The following CHTOP variants were observed in gnomAD, a reference collection of about 807,000 sequenced individuals.
CHTOP encodes chromatin target of PRMT1, also known as chromatin target of PRMT1 protein.
In CHTOP, 18 loss-of-function variants were observed where a neutral mutation model predicts 33.6. The observed-to-expected ratio is 0.54, with a 90% CI of 0.37 to 0.80. The LOEUF (loss-of-function observed/expected upper bound fraction) is 0.80. Ranked by LOEUF, CHTOP falls within the 30% of genes least tolerant of loss-of-function variation. CHTOP has a pLI of 0.00. For synonymous variants in CHTOP, 117 were observed against 127.7 expected (o/e 0.92, Z 0.56); for missense variants, 263 against 336.8 (o/e 0.78, Z 1.71).
At chr1:153,639,555 A>C in intron 3 of CHTOP, 1 of 199,352 alleles carries the variant, frequency 5.0e-6, no homozygotes, top group South Asian at 1.7e-4. Context: ...ACCAAAAATA[A>C]ACAAGGGTGT....
At chr1:153,634,817 CAT>C (rs1183163174) in intron 1 of CHTOP, among the ~76,000 whole-genome samples, 3 of 150,348 alleles carry the variant, frequency 2.0e-5, no homozygotes, top group Non-Finnish European at 4.4e-5. Context: ...ACTAGGCATG[CAT>C]ATATATATGT....
chr1:153,641,553 G>T (rs1447700621), intron 3 of CHTOP, among the ~76,000 whole-genome samples: 1 of 152,116 alleles, frequency 6.6e-6, no homozygotes, highest in Admixed American at 6.5e-5. Context: ...TTAATTTAAG[G>T]TCATCATTGT....
In CHTOP at chr1:153,645,212, C is replaced by G; in HGVS notation, c.690C>G (p.His230Gln). Residue 230 changes from histidine (H) to glutamine (Q), a missense_variant, in exon 6 of 6, where the codon CAC (histidine) becomes CAG (glutamine). Physicochemically the swap from His to Gln is conservative, Grantham distance 24. Around this residue, in one of 3 missense-constraint regions of CHTOP, gnomAD observed 22 missense variants for 47.9 expected, o/e 0.46. Transcript: ENST00000368694. ...CATATATGTCGAAAACAAAAGGACACCTGGATGCTGAGTTGGATGCCTACA... is the reference window on the plus strand; with the variant it reads ...CATATATGTCGAAAACAAAAGGACAGCTGGATGCTGAGTTGGATGCCTACA... ...LDAYMSKTKG[H>Q]LDAELDAYMA... 12 of 1,614,194 alleles carry G rather than the reference C, an allele frequency of 7.4e-6. No individual in the cohort carries two copies. The highest frequency in any genetic ancestry group is 1.0e-5 in the Non-Finnish European group (12 of 1,180,044).
rs762442469 is a variant in CHTOP at position 153,645,262 on chromosome 1, A to G, written c.740A>G (p.Asn247Ser). Residue 247 changes from asparagine to serine, a missense_variant, in exon 6 of 6, where the codon AAT (asparagine) becomes AGT (serine). Physicochemically the swap from Asn to Ser is conservative, Grantham distance 46. This residue lies in a region of CHTOP where 22 missense variants were observed against 47.9 expected (regional missense o/e 0.46). Transcript: ENST00000368694. ...ATGGCGCAGACAGATCCCGAAACCA[A>G]TGATTGAAGCCTGCCCATCCTCCCA... ...AYMAQTDPET[N>S]D 3.8e-5 allele frequency: 62 copies of G among 1,614,104 alleles called. No individual in the cohort carries two copies. The highest frequency in any genetic ancestry group is 3.3e-5 in the Admixed American group (2 of 60,008).
At chr1:153,638,153 C>G in intron 2 of CHTOP, 142 bp from the exon 3 acceptor site, 3 of 754,814 alleles carry the variant, frequency 4.0e-6, no homozygotes, top group South Asian at 1.8e-5. Flanking sequence ...AGTCTTTAAC[C>G]CACATCAGCC....
At chr1:153,637,949 A>G in intron 2 of CHTOP, 1 of 249,470 alleles carries the variant, frequency 4.0e-6, no homozygotes. Context: ...GGATCCCCCA[A>G]GGTTTAGGCT....
intron 5 of CHTOP, among the ~76,000 whole-genome samples, 158 bp from the exon 6 acceptor site, chr1:153,644,906 C>G (rs1668752403): frequency 6.6e-6 from 1 of 152,192 alleles, no homozygotes; most frequent in Admixed American, 6.5e-5. Context: ...GTGTTGCTTT[C>G]TACCCATTGT....
chr1:153,634,816 G>GCATATATATATGTATATATATACATA (rs1468939109), intron 1 of CHTOP, among the ~76,000 whole-genome samples: 11 of 150,658 alleles, frequency 7.3e-5, no homozygotes, highest in Admixed American at 2.0e-4. Flanking sequence ...AACTAGGCAT[G>GCATATATATATGTATATATATACATA]CATATATATA....
At chr1:153,638,218 C>A in intron 2 of CHTOP, 77 bp from the exon 3 acceptor site, 1 of 1,525,158 alleles carries the variant, frequency 6.6e-7, no homozygotes, top group South Asian at 1.2e-5. Context: ...AGCTCCTGGT[C>A]TAGCAAGCCA....
Position 153,645,589 on chromosome 1 carries a change from T to G in CHTOP, c.*320T>G, listed in dbSNP as rs1668792175. The G allele has an allele frequency of 2.9e-6, 1 of 347,596 alleles. No homozygotes were observed. The allele number at this position is 347,596 out of a possible 1,614,324, so 21.5% of individuals were successfully genotyped here. A position where few individuals can be genotyped will look rare whatever the true frequency, so the allele number is the denominator to read the frequency against. On this transcript the variant is annotated 3_prime_UTR_variant, in exon 6 of 6. Transcript: ENST00000368694. ...GGCTAGAACACCCTCTTCCTACCTCTGTCTCCCCTCACTTGTCATATGCTC... is the reference window on the plus strand; with the variant it reads ...GGCTAGAACACCCTCTTCCTACCTCGGTCTCCCCTCACTTGTCATATGCTC...
At chr1:153,642,183 G>C in intron 3 of CHTOP, 63 bp from the exon 4 acceptor site, 1 of 1,432,428 alleles carries the variant, frequency 7.0e-7, no homozygotes, top group South Asian at 1.3e-5. Flanking sequence ...TGCACTTTGA[G>C]TTGCCAAATC....
chr1:153,645,450 A>G lies in CHTOP; in HGVS notation c.*181A>G, dbSNP rs549375664. 7 of 354,120 alleles carry G rather than the reference A, an allele frequency of 2.0e-5. No homozygotes were observed. In the South Asian group the frequency reaches 2.5e-4, roughly 13 times the overall value. The allele number at this position is 354,120 out of a possible 1,614,324, so 21.9% of individuals were successfully genotyped here. A position where few individuals can be genotyped will look rare whatever the true frequency, so the allele number is the denominator to read the frequency against. ...CTTTTACTTTTTGATACTGTGTTGT[A>G]TGAAACCCTTTTGTCCTTTGATTTG... On this transcript the variant is annotated 3_prime_UTR_variant, in exon 6 of 6. Coordinates refer to ENST00000368694, the MANE Select transcript of CHTOP (RefSeq NM_015607.4).
chr1:153,645,032 CTCTT>C (rs753980036), intron 5 of CHTOP, 28 bp from the exon 6 acceptor site: 2 of 1,482,192 alleles, frequency 1.3e-6, no homozygotes, highest in Non-Finnish European at 1.8e-6. Flanking sequence ...TTGTAACTGT[CTCTT>C]TTTTTTTTTT....
intron 5 of CHTOP, 113 bp from the exon 6 acceptor site, chr1:153,644,951 T>A (rs1668753452): frequency 5.5e-6 from 5 of 906,478 alleles, no homozygotes; most frequent in Non-Finnish European, 8.2e-6. Context: ...CTCTTTGCCC[T>A]GCCCTTCAGC....
At chr1:153,641,938 T>G (rs1668640235) in intron 3 of CHTOP, among the ~76,000 whole-genome samples, 1 of 152,232 alleles carries the variant, frequency 6.6e-6, no homozygotes, top group Admixed American at 6.5e-5. Flanking sequence ...TTACGAAAAC[T>G]TAAGTTTCAA....
At chr1:153,641,997 G>A (rs1194643106) in intron 3 of CHTOP, among the ~76,000 whole-genome samples, 1 of 152,222 alleles carries the variant, frequency 6.6e-6, no homozygotes, top group Admixed American at 6.5e-5. Flanking sequence ...AATTTGTGGA[G>A]ATGCCCATTT....
Position 153,643,272 on chromosome 1 carries a change from G to A in CHTOP, c.449G>A (p.Gly150Asp). The A allele has an allele frequency of 6.2e-7, 1 of 1,614,102 alleles. No homozygotes were observed. The highest frequency in any genetic ancestry group is 2.2e-5 in the East Asian group (1 of 44,882). ...RGGRAVAPRM[G>D]LRRGGVRGRG... ...GGACGAGCCGTAGCTCCCCGAATGG[G>A]CTTAAGAAGAGGTGGTGTTCGAGGT... The change falls in exon 5 of 6, where the codon GGC (glycine) becomes GAC (aspartate). Residue 150 changes from glycine (G) to aspartate (D), a missense_variant. By Grantham distance (94) the Gly-to-Asp change is moderately conservative (BLOSUM62 -1). Transcript: ENST00000368694.
intron 3 of CHTOP, 80 bp downstream of exon 3, chr1:153,638,528 G>A (rs770692857): frequency 1.3e-6 from 2 of 1,523,356 alleles, no homozygotes; most frequent in East Asian, 2.3e-5. Flanking sequence ...AGGACGTGAT[G>A]GATGATTGCA....
At chr1:153,642,456 T>G (rs769499978) in intron 4 of CHTOP, 27 bp downstream of exon 4, 1 of 1,564,986 alleles carries the variant, frequency 6.4e-7, no homozygotes, top group Non-Finnish European at 8.7e-7. Context: ...CTGATAATTG[T>G]CGGGCCCTAC....
Sources: gnomAD v4.1 joint callset for allele counts (sites outside exome capture counted in the v4.1 genomes callset) on GRCh38, gnomAD v4.1.1 for gene constraint, gnomAD v4.1.1 regional missense constraint, MANE v1.5 for transcripts, NCBI Gene and HGNC (gene_info 2026-07-23, HGNC 2026-07-21) for gene names.